The following KAZN variants were observed in gnomAD, a reference collection of about 807,000 sequenced individuals.
The protein encoded by KAZN is kazrin.
In KAZN, 40 loss-of-function variants were observed where a neutral mutation model predicts 87.4. The observed-to-expected ratio is 0.46, with a 90% CI of 0.36 to 0.60. The LOEUF is 0.60. Ranked by LOEUF, KAZN falls within the 20% of genes least tolerant of loss-of-function variation. The pLI, the probability that KAZN is intolerant of heterozygous loss-of-function variation, is 0.00. For missense variants in KAZN, 898 were observed against 1,073.9 expected (o/e 0.84, Z 2.29); for synonymous variants, 466 against 458.3 (o/e 1.02, Z -0.22).
chr1:14,787,487 C>T (rs1396509257), intron 1 of KAZN, among the ~76,000 whole-genome samples: 1 of 152,166 alleles, frequency 6.6e-6, no homozygotes, highest in East Asian at 1.9e-4. Context: ...CATAAAATGA[C>T]CATGGTACTA....
chr1:14,385,577 A>G (rs1257938766), intron 2 of KAZN, among the ~76,000 whole-genome samples: 1 of 152,182 alleles, frequency 6.6e-6, no homozygotes, highest in Non-Finnish European at 1.5e-5. Context: ...TGTACTCAGT[A>G]GTCATTCAGG....
At chr1:15,108,963 T>TG (rs999297276) in intron 13 of KAZN, among the ~76,000 whole-genome samples, 12 of 152,140 alleles carry the variant, frequency 7.9e-5, no homozygotes, top group African/African-American at 2.4e-4. Context: ...AAGGCCTAGA[T>TG]GGGGGGATTT....
chr1:14,108,068 T>A (rs1644417999), intron 1 of KAZN, among the ~76,000 whole-genome samples: 1 of 152,144 alleles, frequency 6.6e-6, no homozygotes, highest in African/African-American at 2.4e-5. Flanking sequence ...CCTGTTACCC[T>A]GCATTCTAGC....
At chr1:14,455,765 G>A (rs561552079) in intron 2 of KAZN, among the ~76,000 whole-genome samples, 2 of 152,244 alleles carry the variant, frequency 1.3e-5, no homozygotes, top group African/African-American at 4.8e-5. Context: ...TCTAACCAGA[G>A]GAATTCTTCA....
In KAZN at chr1:14,489,077, C is replaced by T. The variant is rs577981830; in HGVS notation, c.250-109906C>T. 3.9e-5 allele frequency among the ~76,000 whole-genome samples: 6 copies of T among 152,232 alleles called. No homozygotes were observed. The East Asian group carries it at 1.2e-3, about 29-fold the overall frequency. On this transcript the variant is annotated intron_variant, in intron 2 of 16. Coordinates refer to the KAZN transcript ENST00000636203. ...ACTAGAGTTAACTTCTGTCCCACAC[C>T]TTGGGAGCCAAATTCTTTGGCAATT...
At chr1:14,394,182 G>A (rs1257384788) in intron 2 of KAZN, among the ~76,000 whole-genome samples, 1 of 152,248 alleles carries the variant, frequency 6.6e-6, no homozygotes, top group Non-Finnish European at 1.5e-5. Flanking sequence ...CAATGATGCT[G>A]ATTTTCCTAT....
intron 1 of KAZN, among the ~76,000 whole-genome samples, chr1:14,742,119 A>G (rs1644119071): frequency 6.6e-6 from 1 of 152,232 alleles, no homozygotes; most frequent in South Asian, 2.1e-4. Context: ...TTGGATGAAC[A>G]GAACAAACGA....
chr1:15,069,029 A>G (rs1280744302), intron 8 of KAZN, among the ~76,000 whole-genome samples: 2 of 105,804 alleles, frequency 1.9e-5, no homozygotes, highest in South Asian at 2.5e-4. Flanking sequence ...CACCTTAGGG[A>G]AAAAAAAAAA....
chr1:14,295,201 C>A (rs1053775925), intron 2 of KAZN, among the ~76,000 whole-genome samples: 2 of 152,204 alleles, frequency 1.3e-5, no homozygotes, highest in African/African-American at 4.8e-5. Context: ...ACCACAAAGT[C>A]ATGGCTATCA....
chr1:14,835,826 G>A (rs1195463000), intron 1 of KAZN, among the ~76,000 whole-genome samples: 2 of 124,894 alleles, frequency 1.6e-5, no homozygotes, highest in Non-Finnish European at 3.3e-5. Flanking sequence ...CCCCCTGACA[G>A]CTCCCAGGAG....
At chr1:14,652,539 CCCCATCCACCTATTCA>C (rs1638485534) in intron 1 of KAZN, among the ~76,000 whole-genome samples, 1 of 131,024 alleles carries the variant, frequency 7.6e-6, no homozygotes, top group Non-Finnish European at 1.6e-5. Flanking sequence ...ATCTACTCTC[CCCCATCCACCTATTCA>C]CCCATCCACC....
At chr1:14,211,740 C>T (rs1333821852) in intron 2 of KAZN, among the ~76,000 whole-genome samples, 1 of 152,024 alleles carries the variant, frequency 6.6e-6, no homozygotes, top group Admixed American at 6.5e-5. Context: ...TGGAAATAAG[C>T]AAATGCTACA....
chr1:14,743,769 G>T (rs1644183705), intron 1 of KAZN, among the ~76,000 whole-genome samples: 2 of 152,124 alleles, frequency 1.3e-5, no homozygotes, highest in African/African-American at 4.8e-5. Flanking sequence ...TTTAGCGTTG[G>T]CAGTGGTGGG....
chr1:14,340,585 C>G (rs1451573126), intron 2 of KAZN, among the ~76,000 whole-genome samples: 2 of 152,194 alleles, frequency 1.3e-5, no homozygotes, highest in Non-Finnish European at 2.9e-5. Context: ...TGCATTGTCA[C>G]AGAGACACCT....
At chr1:14,312,659 T>A (rs1296398899) in intron 2 of KAZN, among the ~76,000 whole-genome samples, 1 of 152,166 alleles carries the variant, frequency 6.6e-6, no homozygotes, top group Non-Finnish European at 1.5e-5. Flanking sequence ...GCGTAGTAAC[T>A]TGCTTCTAAT....
chr1:14,356,288 T>G (rs1220984324), intron 2 of KAZN, among the ~76,000 whole-genome samples: 1 of 152,148 alleles, frequency 6.6e-6, no homozygotes, highest in African/African-American at 2.4e-5. Flanking sequence ...TTTTCTCTTG[T>G]AAATTTGTTT....
intron 2 of KAZN, among the ~76,000 whole-genome samples, chr1:14,433,874 A>AT (rs377290604): frequency 2.0e-4 from 31 of 152,186 alleles, no homozygotes; most frequent in African/African-American, 7.2e-4. Context: ...ACAAAAAAAA[A>AT]GGAGACAGTG....
At chr1:14,334,219 G>T (rs1446794915) in intron 2 of KAZN, among the ~76,000 whole-genome samples, 1 of 152,034 alleles carries the variant, frequency 6.6e-6, no homozygotes, top group Non-Finnish European at 1.5e-5. Context: ...TACAAAATTA[G>T]CCAGGTGTGG....
intron 1 of KAZN, among the ~76,000 whole-genome samples, chr1:13,990,125 T>C (rs562077663): frequency 6.2e-4 from 94 of 152,306 alleles, no homozygotes; most frequent in African/African-American, 2.2e-3. Flanking sequence ...AAGTTTGGTA[T>C]AAAACCAAGC....
Sources: allele counts gnomAD v4.1 joint callset (sites outside exome capture counted in the v4.1 genomes callset), GRCh38; gene constraint gnomAD v4.1.1; transcripts MANE v1.5; gene names NCBI Gene and HGNC (gene_info 2026-07-23, HGNC 2026-07-21).